The following CPN1 variants were observed in gnomAD, a reference collection of about 807,000 sequenced individuals.
The protein encoded by CPN1 is carboxypeptidase N catalytic chain.
A neutral mutation model predicts 46.4 loss-of-function variants in CPN1; 37 were observed. The ratio of observed to expected loss-of-function variants is 0.80; its 90% CI spans 0.61 to 1.05. The LOEUF is 1.05. Among genes scored for constraint, CPN1 ranks in the 50% least tolerant of loss-of-function variants. The pLI, the probability that CPN1 is intolerant of heterozygous loss-of-function variation, is 0.00. For synonymous variants in CPN1, 224 were observed against 235.4 expected (o/e 0.95, Z 0.44); for missense variants, 563 against 602.6 (o/e 0.93, Z 0.69).
chr10:100,068,145 A>T (rs1348353502), intron 3 of CPN1, among the ~76,000 whole-genome samples: 1 of 136,004 alleles, frequency 7.4e-6, no homozygotes, highest in Non-Finnish European at 1.6e-5. Flanking sequence ...AAAGAGCAAG[A>T]CTCTGTCTCA....
chr10:100,064,301 T>C (rs560688230), intron 4 of CPN1, among the ~76,000 whole-genome samples: 259 of 151,456 alleles, frequency 1.7e-3, no homozygotes, highest in Non-Finnish European at 2.9e-3. Flanking sequence ...CTATTCACCA[T>C]GTAGTTCATT....
chr10:100,072,322 C>T (rs913274869), intron 2 of CPN1, among the ~76,000 whole-genome samples: 18 of 152,024 alleles, frequency 1.2e-4, no homozygotes, highest in African/African-American at 2.2e-4. Flanking sequence ...TTTACAGGCA[C>T]GCGCCACAAC....
chr10:100,053,175 G>A (rs2041365443), intron 7 of CPN1, among the ~76,000 whole-genome samples: 3 of 152,184 alleles, frequency 2.0e-5, no homozygotes, highest in African/African-American at 7.2e-5. Flanking sequence ...TCTGCCTTTA[G>A]ACATTACCTT....
intron 4 of CPN1, among the ~76,000 whole-genome samples, chr10:100,064,661 G>A (rs866868018): frequency 1.3e-5 from 2 of 151,976 alleles, no homozygotes; most frequent in African/African-American, 2.4e-5. Context: ...GATTACAGGC[G>A]TGAGCCACCG....
chr10:100,071,987 A>T (rs2041488501), intron 2 of CPN1, among the ~76,000 whole-genome samples: 1 of 152,154 alleles, frequency 6.6e-6, no homozygotes, highest in Non-Finnish European at 1.5e-5. Context: ...ATTTTGGCGA[A>T]GGGTGGTAGG....
At chr10:100,059,592 C>CAAAAAAAA (rs71013408) in intron 5 of CPN1, among the ~76,000 whole-genome samples, 1 of 115,092 alleles carries the variant, frequency 8.7e-6, no homozygotes, top group Non-Finnish European at 1.8e-5. Flanking sequence ...TGGCTACTAT[C>CAAAAAAAA]AAAAAAAAAA....
chr10:100,061,278 A>G (rs2041415903), intron 5 of CPN1, among the ~76,000 whole-genome samples: 1 of 152,238 alleles, frequency 6.6e-6, no homozygotes. Context: ...CATGTCATTT[A>G]CCCTGATGTA....
intron 1 of CPN1, among the ~76,000 whole-genome samples, chr10:100,079,321 A>G (rs566213416): frequency 4.6e-5 from 7 of 152,344 alleles, no homozygotes; most frequent in Middle Eastern, 3.4e-3. Flanking sequence ...GTGCCTGCAT[A>G]TTGTAGGTGA....
intron 2 of CPN1, among the ~76,000 whole-genome samples, chr10:100,074,751 A>T (rs1257835147): frequency 6.6e-6 from 1 of 152,028 alleles, no homozygotes; most frequent in African/African-American, 2.4e-5. Context: ...CTTTTAAAGG[A>T]ACATCTCCAT....
rs1589481559 is a variant in CPN1, at chr10:100,081,618, T to A, written c.8A>T (p.Asp3Val). Residue 3 changes from aspartate (D) to valine (V), a missense_variant, in exon 1 of 9, where the codon GAC becomes GTC. Asp to Val is a radical substitution (Grantham distance 152). Transcript: ENST00000370418. MSDLLSVFLHLLL... is the reference protein window; with the variant it reads MSVLLSVFLHLLL... ...GAGGTGGAGGAAGACTGAGAGCAGG[T>A]CTGACATCTTGCTGGGCTTTTTCAA... 5.6e-6 allele frequency: 9 copies of A among 1,614,078 alleles called. No individual in the cohort carries two copies. The highest frequency in any genetic ancestry group is 3.3e-5 in the Admixed American group (2 of 60,026).
intron 5 of CPN1, among the ~76,000 whole-genome samples, chr10:100,060,228 T>A (rs545709052): frequency 1.6e-4 from 25 of 152,292 alleles, no homozygotes; most frequent in African/African-American, 5.5e-4. Flanking sequence ...TGCTTAAAAA[T>A]TATTACAATG....
At chr10:100,065,957 T>TG (rs909826144) in intron 3 of CPN1, among the ~76,000 whole-genome samples, 4 of 151,908 alleles carry the variant, frequency 2.6e-5, no homozygotes, top group African/African-American at 7.3e-5. Flanking sequence ...GAAGTTTTTT[T>TG]TTTTGTTTTG....
At position 100,081,691 on chromosome 10, in the gene CPN1, T is replaced by C. The variant is rs1589481597; in HGVS notation, c.-66A>G. On this transcript the variant is annotated 5_prime_UTR_variant, in exon 1 of 9. Coordinates refer to ENST00000370418, the MANE Select transcript of CPN1 (RefSeq NM_001308.3). ...CACCTCCTTAAACAACCTAGCCTCT[T>C]CACCCGCCAAAATCCAAGGTCCACC... is the stretch of plus-strand genomic sequence containing the variant. The C allele has an allele frequency of 7.2e-7, 1 of 1,383,902 alleles. No homozygotes were observed. Among genetic ancestry groups the C allele is most frequent in the Non-Finnish European group, 1.0e-6 (1 of 989,578 alleles). The allele number at this position is 1,383,902 out of a possible 1,614,324, so 85.7% of individuals were successfully genotyped here. A position where few individuals can be genotyped will look rare whatever the true frequency, so the allele number is the denominator to read the frequency against.
intron 2 of CPN1, among the ~76,000 whole-genome samples, chr10:100,073,551 C>CTTTT (rs925927494): frequency 6.6e-6 from 1 of 151,648 alleles, no homozygotes; most frequent in Non-Finnish European, 1.5e-5. Context: ...TCTCACAGGC[C>CTTTT]TAAAAGCAAG....
chr10:100,070,872 A>G (rs1239756549), intron 2 of CPN1, among the ~76,000 whole-genome samples: 1 of 152,232 alleles, frequency 6.6e-6, no homozygotes, highest in Non-Finnish European at 1.5e-5. Flanking sequence ...ACGGAGTTGT[A>G]TAATCATCAT....
intron 5 of CPN1, among the ~76,000 whole-genome samples, chr10:100,063,144 G>A (rs748772289): frequency 5.3e-5 from 8 of 151,750 alleles, no homozygotes; most frequent in Non-Finnish European, 7.4e-5. Context: ...TTTTCGAGAC[G>A]GAGTCTCACT....
chr10:100,069,140 A>G (rs1418512324), intron 3 of CPN1, among the ~76,000 whole-genome samples: 1 of 152,232 alleles, frequency 6.6e-6, no homozygotes, highest in African/African-American at 2.4e-5. Flanking sequence ...GTTAAGAACC[A>G]TGCAACCAAA....
chr10:100,060,807 C>T (rs552880937), intron 5 of CPN1, among the ~76,000 whole-genome samples: 45 of 152,240 alleles, frequency 3.0e-4, no homozygotes, highest in Non-Finnish European at 5.9e-4. Flanking sequence ...GAGTTATCTG[C>T]GCTCCCTTGT....
chr10:100,060,248 A>G (rs1001758271), intron 5 of CPN1, among the ~76,000 whole-genome samples: 1 of 152,206 alleles, frequency 6.6e-6, no homozygotes, highest in African/African-American at 2.4e-5. Context: ...GGTAAATTTT[A>G]TGTTATGTAT....
Sources: gnomAD v4.1 joint callset for allele counts (sites outside exome capture counted in the v4.1 genomes callset) on GRCh38, gnomAD v4.1.1 for gene constraint, MANE v1.5 for transcripts, NCBI Gene and HGNC (gene_info 2026-07-23, HGNC 2026-07-21) for gene names.